GFM2: variants seen among roughly 807,000 people sequenced by gnomAD.
GFM2 encodes the protein GTP dependent ribosome recycling factor mitochondrial 2.
In GFM2, 72 loss-of-function variants were observed where a neutral mutation model predicts 95.4. The observed-to-expected ratio is 0.76, with a 90% CI of 0.62 to 0.92. GFM2 has a LOEUF of 0.92. GFM2 is among the 40% of genes least tolerant of loss of function. GFM2 has a pLI of 0.00. For synonymous variants in GFM2, 276 were observed against 317.5 expected, an observed-to-expected ratio of 0.87 and a Z score of 1.39; for missense variants, 825 against 924.1, an observed-to-expected ratio of 0.89 and a Z score of 1.39.
At chr5:74,743,285 T>A (rs1453979414) in intron 10 of GFM2, among the ~76,000 whole-genome samples, 1 of 152,184 alleles carries the variant, frequency 6.6e-6, no homozygotes, top group Non-Finnish European at 1.5e-5. Context: ...GTGGAACTGT[T>A]GGGTAATATA....
intron 15 of GFM2, among the ~76,000 whole-genome samples, chr5:74,734,174 T>C (rs1435778314): frequency 5.3e-5 from 8 of 152,050 alleles, no homozygotes; most frequent in Non-Finnish European, 1.0e-4. Flanking sequence ...AACTGCCAGA[T>C]GCTGTAAATG....
intron 10 of GFM2, 197 bp from the exon 11 acceptor site, chr5:74,741,806 TACTA>T: frequency 2.4e-6 from 1 of 417,714 alleles, no homozygotes; most frequent in Non-Finnish European, 4.3e-6. Flanking sequence ...AAACTAAAGA[TACTA>T]TTAGGAGTTT....
chr5:74,755,409 T>C (rs1177740404), intron 5 of GFM2, among the ~76,000 whole-genome samples: 4 of 152,130 alleles, frequency 2.6e-5, no homozygotes, highest in Non-Finnish European at 4.4e-5. Context: ...AACAATGATA[T>C]CAAGATGGAA....
In GFM2 at chr5:74,767,047, G is replaced by A; in HGVS notation, c.-134C>T. 3.1e-6 allele frequency: 1 copy of A among 326,122 alleles called. No homozygotes were observed. The highest frequency in any genetic ancestry group is 5.8e-6 in the Non-Finnish European group (1 of 171,742). 20.2% of individuals were successfully genotyped at this position (326,122 alleles called of 1,614,324 possible). A position where few individuals can be genotyped will look rare whatever the true frequency, so the allele number is the denominator to read the frequency against. On this transcript the variant is annotated 5_prime_UTR_variant, in exon 1 of 21. Coordinates refer to ENST00000296805, the MANE Select transcript of GFM2 (RefSeq NM_032380.5). ...GGCCTCAAGTCTCGACGCCAGCCTA[G>A]GCAAAAGGCAATGTATCTAAACGAA... is the stretch of plus-strand genomic sequence containing the variant.
At chr5:74,758,201 A>C (rs552616245) in intron 5 of GFM2, among the ~76,000 whole-genome samples, 73 of 152,350 alleles carry the variant, frequency 4.8e-4, no homozygotes, top group African/African-American at 1.6e-3. Flanking sequence ...TTCTTCTAGA[A>C]ACCAGATAAC....
At chr5:74,725,883 A>G (rs572302480) in intron 18 of GFM2, 58 bp downstream of exon 18, 1 of 1,499,802 alleles carries the variant, frequency 6.7e-7, no homozygotes, top group South Asian at 1.2e-5. Context: ...CTGTAATATA[A>G]GGAGTGATTA....
At chr5:74,729,031 C>T (rs765372906) in intron 17 of GFM2, among the ~76,000 whole-genome samples, 6 of 151,992 alleles carry the variant, frequency 3.9e-5, no homozygotes, top group Admixed American at 6.6e-5. Flanking sequence ...GGATTACAGG[C>T]GTGAGCCACC....
chr5:74,738,608 A>G lies in GFM2; in HGVS notation c.1114T>C (p.Phe372Leu), dbSNP rs777129105. 29 of 1,613,424 alleles carry G rather than the reference A, an allele frequency of 1.8e-5. No homozygotes were observed. Among genetic ancestry groups the G allele is most frequent in the Non-Finnish European group, 9.3e-6 (11 of 1,179,672 alleles). Residue 372 changes from phenylalanine to leucine, a missense_variant, in exon 13 of 21, where the codon TTT (phenylalanine) becomes CTT (leucine). Transcript: ENST00000296805. ...WYKDDLCALA[F>L]KVLHDKQRGP... Reference sequence around the variant, plus strand: ...CGCTGCTTGTCATGGAGAACTTTAAATGCCAATGCACATAAGTCATCCTTA... The same window carrying G: ...CGCTGCTTGTCATGGAGAACTTTAAGTGCCAATGCACATAAGTCATCCTTA...
chr5:74,746,244 T>G, intron 8 of GFM2, 79 bp from the exon 9 acceptor site: 1 of 685,932 alleles, frequency 1.5e-6, no homozygotes, highest in Non-Finnish European at 2.2e-6. Flanking sequence ...GAAAAAAAAC[T>G]CTTTCAGGTT....
chr5:74,741,430 C>A (rs1743098363), intron 11 of GFM2, 99 bp downstream of exon 11: 2 of 639,480 alleles, frequency 3.1e-6, no homozygotes, highest in Admixed American at 3.2e-5. Flanking sequence ...TAATAATATG[C>A]AAAGTTTAAA....
At position 74,721,677 on chromosome 5, in the gene GFM2, T is replaced by A; in HGVS notation, c.2318A>T (p.Asn773Ile). 1 of 1,613,282 alleles carries A rather than the reference T, an allele frequency of 6.2e-7. No homozygotes were observed. Among genetic ancestry groups the A allele is most frequent in the African/African-American group, 1.3e-5 (1 of 75,004 alleles). Residue 773 changes from asparagine (N) to isoleucine (I), a missense_variant, in exon 21 of 21, where the codon AAC becomes ATC. Asn to Ile is a moderately radical substitution (Grantham distance 149, BLOSUM62 -3). Coordinates refer to ENST00000296805, the MANE Select transcript of GFM2 (RefSeq NM_032380.5). Reference sequence around the variant, plus strand: ...CATTTAGGTCAAACCACTTCTCCGGTTGAGCAGTGTATTTTGATCTTGAGG... The same window carrying A: ...CATTTAGGTCAAACCACTTCTCCGGATGAGCAGTGTATTTTGATCTTGAGG... ...MNPQDQNTLLNRRSGLT is the reference protein window; with the variant it reads ...MNPQDQNTLLIRRSGLT
chr5:74,756,267 A>G (rs957364743), intron 5 of GFM2, among the ~76,000 whole-genome samples: 4 of 150,992 alleles, frequency 2.6e-5, no homozygotes, highest in African/African-American at 9.7e-5. Flanking sequence ...ATATATGTGT[A>G]TATACATACA....
chr5:74,747,549 G>C, intron 8 of GFM2, 143 bp downstream of exon 8: 1 of 530,114 alleles, frequency 1.9e-6, no homozygotes. Context: ...TTTTTTATGG[G>C]AATAAACTGG....
chr5:74,724,139 A>G (rs146763087), intron 19 of GFM2, among the ~76,000 whole-genome samples: 77 of 152,326 alleles, frequency 5.1e-4, no homozygotes, highest in Non-Finnish European at 9.4e-4. Context: ...GTAAGCCCCC[A>G]TAAAGTTAAT....
At chr5:74,743,181 C>A (rs1163561848) in intron 10 of GFM2, among the ~76,000 whole-genome samples, 2 of 152,140 alleles carry the variant, frequency 1.3e-5, no homozygotes, top group African/African-American at 4.8e-5. Flanking sequence ...GTTGCTTCTA[C>A]CTTTTGGCTA....
chr5:74,738,939 T>C (rs1742978549), intron 12 of GFM2, among the ~76,000 whole-genome samples: 1 of 152,154 alleles, frequency 6.6e-6, no homozygotes. Context: ...AATATCACAC[T>C]ACTTATCAAG....
intron 17 of GFM2, among the ~76,000 whole-genome samples, chr5:74,728,286 C>T (rs533493991): frequency 2.6e-5 from 4 of 151,900 alleles, no homozygotes; most frequent in East Asian, 3.9e-4. Context: ...TCAATTAACA[C>T]GTTACATGTA....
chr5:74,763,858 G>A (rs746191796), intron 1 of GFM2, 92 bp from the exon 2 acceptor site: 12 of 633,118 alleles, frequency 1.9e-5, no homozygotes, highest in Non-Finnish European at 3.0e-5. Context: ...AATATGTATG[G>A]TAAAATGTAT....
chr5:74,737,793 C>T (rs1742906717), intron 14 of GFM2, among the ~76,000 whole-genome samples: 1 of 152,078 alleles, frequency 6.6e-6, no homozygotes, highest in African/African-American at 2.4e-5. Flanking sequence ...AAAATAAATA[C>T]AACATCAAGT....
Sources: gnomAD v4.1 joint callset for allele counts (sites outside exome capture counted in the v4.1 genomes callset) on GRCh38, gnomAD v4.1.1 for gene constraint, MANE v1.5 for transcripts, NCBI Gene and HGNC (gene_info 2026-07-23, HGNC 2026-07-21) for gene names.